GABBR2: variants seen among roughly 807,000 people sequenced by gnomAD.
GABBR2 encodes the protein gamma-aminobutyric acid type B receptor subunit 2.
GABBR2 carries 23 observed loss-of-function variants against 105.6 expected under a neutral mutation model. The ratio of observed to expected loss-of-function variants is 0.22; its 90% CI spans 0.16 to 0.31. The LOEUF (loss-of-function observed/expected upper bound fraction) is 0.31. Among genes scored for constraint, GABBR2 ranks in the 10% least tolerant of loss-of-function variants. The probability of loss-of-function intolerance (pLI) is 1.00; values close to 1 mark genes in which losing one functional copy is unlikely to be tolerated. For missense variants in GABBR2, 734 were observed against 1,245.5 expected, an observed-to-expected ratio of 0.59 and a Z score of 6.18; for synonymous variants, 478 against 499.7, an observed-to-expected ratio of 0.96 and a Z score of 0.58.
chr9:98,415,121 C>CT (rs1832664695), intron 7 of GABBR2, among the ~76,000 whole-genome samples: 1 of 152,096 alleles, frequency 6.6e-6, no homozygotes. Flanking sequence ...ATACAGTATA[C>CT]TCGCAATTAC....
At chr9:98,614,561 CAAATT>C (rs1829552106) in intron 1 of GABBR2, among the ~76,000 whole-genome samples, 4 of 151,806 alleles carry the variant, frequency 2.6e-5, no homozygotes, top group African/African-American at 7.3e-5. Flanking sequence ...AAATAAAAGA[CAAATT>C]AAAATGAGTA....
At chr9:98,313,696 G>A (rs1230381920) in intron 13 of GABBR2, among the ~76,000 whole-genome samples, 1 of 152,144 alleles carries the variant, frequency 6.6e-6, no homozygotes, top group Non-Finnish European at 1.5e-5. Context: ...TTGTGCTGTT[G>A]AGGCCCAGGG....
At chr9:98,445,933 T>C (rs1206289338) in intron 7 of GABBR2, among the ~76,000 whole-genome samples, 1 of 152,196 alleles carries the variant, frequency 6.6e-6, no homozygotes, top group East Asian at 1.9e-4. Context: ...TTAGGGCTGC[T>C]GGAGCACTGA....
chr9:98,635,736 G>A lies in GABBR2; in HGVS notation c.322-57664C>T, dbSNP rs559770510. On this transcript the variant is annotated intron_variant, in intron 1 of 18. Transcript: ENST00000259455. Reference sequence around the variant, plus strand: ...GACCATGTTCAAGGAATGAGGACAAGTTCACTGTGGCTGGAGTATTTGCAA... The same window carrying A: ...GACCATGTTCAAGGAATGAGGACAAATTCACTGTGGCTGGAGTATTTGCAA... Among the ~76,000 whole-genome samples the A allele has an allele frequency of 2.6e-5, 4 of 152,324 alleles. No homozygotes were observed. In the South Asian group the frequency reaches 8.3e-4, roughly 32 times the overall value.
chr9:98,509,613 C>T (rs1037517092), intron 3 of GABBR2, among the ~76,000 whole-genome samples: 5 of 152,126 alleles, frequency 3.3e-5, no homozygotes, highest in African/African-American at 1.2e-4. Context: ...ACGAGAGCTA[C>T]GTGACGAATG....
chr9:98,356,813 A>G (rs1831493224), intron 13 of GABBR2, among the ~76,000 whole-genome samples: 1 of 152,230 alleles, frequency 6.6e-6, no homozygotes, highest in Non-Finnish European at 1.5e-5. Context: ...TCCAGGAAAT[A>G]GGACATTATT....
intron 13 of GABBR2, among the ~76,000 whole-genome samples, chr9:98,357,258 A>C (rs1421003437): frequency 6.6e-6 from 1 of 152,266 alleles, no homozygotes; most frequent in Non-Finnish European, 1.5e-5. Flanking sequence ...TGGAGGGTAC[A>C]TGAGAACTCT....
At chr9:98,354,925 T>C (rs368090907) in intron 13 of GABBR2, among the ~76,000 whole-genome samples, 17 of 152,218 alleles carry the variant, frequency 1.1e-4, no homozygotes, top group African/African-American at 4.1e-4. Flanking sequence ...GCTTTCAACC[T>C]GCCTTCAACC....
chr9:98,653,781 G>A (rs1298733511), intron 1 of GABBR2, among the ~76,000 whole-genome samples: 1 of 151,902 alleles, frequency 6.6e-6, no homozygotes, highest in Non-Finnish European at 1.5e-5. Flanking sequence ...CTCTTTTTAT[G>A]TAATCAGAAG....
chr9:98,699,769 A>G (rs994795145), intron 1 of GABBR2, among the ~76,000 whole-genome samples: 2 of 151,920 alleles, frequency 1.3e-5, no homozygotes, highest in South Asian at 2.1e-4. Context: ...GGGCTCATAC[A>G]CTCACGGTTT....
intron 7 of GABBR2, among the ~76,000 whole-genome samples, chr9:98,433,378 C>T (rs1445553431): frequency 6.6e-6 from 1 of 152,128 alleles, no homozygotes; most frequent in African/African-American, 2.4e-5. Flanking sequence ...TACACATGTA[C>T]AAAATTACTG....
At chr9:98,364,223 C>T (rs773973984) in intron 12 of GABBR2, among the ~76,000 whole-genome samples, 57 of 152,208 alleles carry the variant, frequency 3.7e-4, no homozygotes, top group Non-Finnish European at 7.8e-4. Context: ...GCTTAACTCT[C>T]ACCCTCTGGG....
intron 6 of GABBR2, among the ~76,000 whole-genome samples, chr9:98,462,056 G>T (rs1206205909): frequency 6.6e-6 from 1 of 151,404 alleles, no homozygotes; most frequent in South Asian, 2.1e-4. Flanking sequence ...TGGAGGGGAC[G>T]AACATCCAAA....
intron 1 of GABBR2, among the ~76,000 whole-genome samples, chr9:98,658,180 G>A (rs904106878): frequency 6.6e-6 from 1 of 152,130 alleles, no homozygotes; most frequent in Non-Finnish European, 1.5e-5. Context: ...AAGGAAGTTG[G>A]GATCCAAACA....
intron 11 of GABBR2, among the ~76,000 whole-genome samples, chr9:98,376,253 C>T (rs1016328299): frequency 5.9e-5 from 9 of 152,226 alleles, no homozygotes; most frequent in African/African-American, 4.8e-5. Context: ...GAAGGGCTTT[C>T]ACTGCCCTTC....
chr9:98,682,688 C>A (rs1830565844), intron 1 of GABBR2, among the ~76,000 whole-genome samples: 1 of 151,838 alleles, frequency 6.6e-6, no homozygotes, highest in Non-Finnish European at 1.5e-5. Flanking sequence ...CTGATTTTAC[C>A]AATCTTAATA....
rs1045753114 is a variant in GABBR2, at chr9:98,360,074, C to T, written c.1893+2641G>A. On this transcript the variant is annotated intron_variant, in intron 13 of 18. Coordinates refer to ENST00000259455, the MANE Select transcript of GABBR2 (RefSeq NM_005458.8). ...CCCATACCTGGAATCCTCAGGTGCTCAGAGTCCGGAGCACACAGGGTGTCT... is the reference window on the plus strand; with the variant it reads ...CCCATACCTGGAATCCTCAGGTGCTTAGAGTCCGGAGCACACAGGGTGTCT... Among the ~76,000 whole-genome samples, 13 of 152,180 alleles carry T rather than the reference C, an allele frequency of 8.5e-5. 1 individual carries two copies. The South Asian group carries it at 1.2e-3, about 15-fold the overall frequency.
intron 18 of GABBR2, among the ~76,000 whole-genome samples, chr9:98,292,687 C>G (rs926240501): frequency 7.2e-5 from 11 of 152,192 alleles, no homozygotes; most frequent in African/African-American, 2.7e-4. Flanking sequence ...AAACTGTGAC[C>G]TGGGAAAAGG....
intron 1 of GABBR2, among the ~76,000 whole-genome samples, chr9:98,632,049 C>A (rs781256840): frequency 3.3e-5 from 5 of 152,176 alleles, no homozygotes; most frequent in Non-Finnish European, 7.3e-5. Flanking sequence ...ACTGCTCACA[C>A]CCAGCCCCAA....
Sources: allele counts gnomAD v4.1 joint callset (sites outside exome capture counted in the v4.1 genomes callset), GRCh38; gene constraint gnomAD v4.1.1; transcripts MANE v1.5; gene names NCBI Gene and HGNC (gene_info 2026-07-23, HGNC 2026-07-21).